The following ABCB5 variants were observed in gnomAD, a reference collection of about 807,000 sequenced individuals.
The protein encoded by ABCB5 is ATP-binding cassette sub-family B member 5.
In ABCB5, 155 loss-of-function variants were observed where a neutral mutation model predicts 144.2. The observed-to-expected ratio is 1.08, with a 90% CI of 0.94 to 1.23. The LOEUF is 1.23. Ranked by LOEUF, ABCB5 falls within the 50% of genes most tolerant of loss-of-function variation. The pLI, the probability that ABCB5 is intolerant of heterozygous loss-of-function variation, is 0.00. For synonymous variants in ABCB5, 610 were observed against 528.6 expected, an observed-to-expected ratio of 1.15 and a Z score of -2.11; for missense variants, 1,830 against 1,520.8, an observed-to-expected ratio of 1.20 and a Z score of -3.38.
intron 14 of ABCB5, among the ~76,000 whole-genome samples, chr7:20,675,024 G>C (rs7806967): frequency 6.6e-6 from 1 of 151,998 alleles, no homozygotes; most frequent in South Asian, 2.1e-4. Context: ...AATACATCCC[G>C]TGATCCTGAA....
intron 16 of ABCB5, among the ~76,000 whole-genome samples, chr7:20,688,721 A>G (rs1424954130): frequency 6.6e-6 from 1 of 152,226 alleles, no homozygotes; most frequent in Non-Finnish European, 1.5e-5. Flanking sequence ...AACCAACCCA[A>G]ATGCCCATCA....
chr7:20,692,159 A>C (rs1324636037), intron 16 of ABCB5, among the ~76,000 whole-genome samples: 1 of 152,162 alleles, frequency 6.6e-6, no homozygotes, highest in Non-Finnish European at 1.5e-5. Flanking sequence ...AAGCATAAGA[A>C]ACATAAGAAA....
intron 14 of ABCB5, among the ~76,000 whole-genome samples, chr7:20,671,557 AG>A (rs1246577503): frequency 1.3e-5 from 2 of 152,184 alleles, no homozygotes; most frequent in Admixed American, 6.5e-5. Flanking sequence ...CTTTATATAA[AG>A]GGAGCAATAT....
intron 4 of ABCB5, among the ~76,000 whole-genome samples, chr7:20,629,293 G>A (rs1286085442): frequency 6.6e-6 from 1 of 152,016 alleles, no homozygotes; most frequent in Non-Finnish European, 1.5e-5. Context: ...CAATGTTGCA[G>A]TTCAAATCAG....
intron 20 of ABCB5, among the ~76,000 whole-genome samples, chr7:20,721,882 G>C (rs1287197657): frequency 6.6e-6 from 1 of 152,084 alleles, no homozygotes; most frequent in Non-Finnish European, 1.5e-5. Flanking sequence ...TACTCTCCGT[G>C]AAATAGAATA....
chr7:20,699,730 T>C (rs1786548457), intron 17 of ABCB5, 95 bp from the exon 18 acceptor site: 1 of 737,882 alleles, frequency 1.4e-6, no homozygotes, highest in Admixed American at 3.1e-5. Flanking sequence ...AAAAAAGAAA[T>C]GTATTTTAAA....
chr7:20,691,290 A>T (rs550399881), intron 16 of ABCB5, among the ~76,000 whole-genome samples: 23 of 139,454 alleles, frequency 1.6e-4, no homozygotes, highest in Admixed American at 1.1e-3. Context: ...AACTCAGTGG[A>T]CTTTGAGTTG....
intron 20 of ABCB5, among the ~76,000 whole-genome samples, chr7:20,707,201 G>T (rs534143671): frequency 1.3e-5 from 2 of 152,252 alleles, no homozygotes; most frequent in African/African-American, 4.8e-5. Context: ...TAGAATGAAT[G>T]TTCATAAAAT....
intron 14 of ABCB5, among the ~76,000 whole-genome samples, chr7:20,675,091 G>A (rs1785560725): frequency 6.6e-6 from 1 of 151,842 alleles, no homozygotes; most frequent in Non-Finnish European, 1.5e-5. Context: ...TACAGATTTA[G>A]TATAACCTTG....
chr7:20,648,101 A>G, intron 11 of ABCB5, 23 bp downstream of exon 11: 2 of 1,393,384 alleles, frequency 1.4e-6, no homozygotes, highest in Non-Finnish European at 2.0e-6. Context: ...AAATTACGCA[A>G]TTGTGCAGTT....
In ABCB5 at chr7:20,650,141, T is replaced by TGGCTTTGTAAGTGCAGCTA; in HGVS notation, c.1328_1332+14dup. On this transcript the variant is annotated frameshift_variant, in exon 12 of 28. Coordinates refer to ENST00000404938, the MANE Select transcript of ABCB5 (RefSeq NM_001163941.2). LOFTEE classifies it high-confidence loss of function. The stretch of plus-strand genomic sequence containing the variant: ...TGCAGAGGTTATATGATCCGGATGA[T>TGGCTTTGTAAGTGCAGCTA]GGCTTTGTAAGTGCAGCTAGCAAAA... 3 of 1,613,450 alleles carry TGGCTTTGTAAGTGCAGCTA rather than the reference T, an allele frequency of 1.9e-6. No individual in the cohort carries two copies. The East Asian group carries it at 6.7e-5, about 36-fold the overall frequency.
chr7:20,720,955 A>AAAAAG (rs1554288318), intron 20 of ABCB5, among the ~76,000 whole-genome samples: 1 of 151,122 alleles, frequency 6.6e-6, no homozygotes, highest in Non-Finnish European at 1.5e-5. Flanking sequence ...AAAAAAAAAA[A>AAAAAG]AAAAAAAAAA....
intron 16 of ABCB5, among the ~76,000 whole-genome samples, chr7:20,689,121 AAAT>A (rs777350026): frequency 4.6e-5 from 7 of 151,934 alleles, no homozygotes; most frequent in Admixed American, 1.3e-4. Flanking sequence ...TATAATAATA[AAAT>A]AATAATAATA....
chr7:20,669,739 A>AAAAAAG (rs1562553143), intron 14 of ABCB5, among the ~76,000 whole-genome samples: 1 of 132,576 alleles, frequency 7.5e-6, no homozygotes. Flanking sequence ...AAAAAAAAAA[A>AAAAAAG]AAAAGAAAAT....
chr7:20,660,303 T>A (rs1784963215), intron 14 of ABCB5: 3 of 984,976 alleles, frequency 3.0e-6, no homozygotes, highest in Non-Finnish European at 3.6e-6. Flanking sequence ...GTGGCATAAT[T>A]ATGGGGGAAT....
At position 20,681,076 on chromosome 7, in the gene ABCB5, C is replaced by CTTTCTTTG. The variant is rs1562559211; in HGVS notation, c.1708-422_1708-421insGTTTCTTT. 2.6e-4 allele frequency among the ~76,000 whole-genome samples: 4 copies of CTTTCTTTG among 15,494 alleles called. 1 individual carries two copies. Among genetic ancestry groups the CTTTCTTTG allele is most frequent in the Non-Finnish European group, 4.3e-4 (4 of 9,340 alleles). The allele number at this position is 15,494 out of a possible 152,430, so 10.2% of individuals were successfully genotyped here. On this transcript the variant is annotated intron_variant, in intron 14 of 27. Coordinates refer to ENST00000404938, the MANE Select transcript of ABCB5 (RefSeq NM_001163941.2). ...TCTCTCTCTCTTTCTTTCTTTCTTT[C>CTTTCTTTG]TTTCTTTCTTTCTTTCTTTCTTTCT...
chr7:20,724,628 C>CAAAAAAAAAAAA (rs34395637), intron 21 of ABCB5, among the ~76,000 whole-genome samples: 1 of 88,594 alleles, frequency 1.1e-5, no homozygotes, highest in Non-Finnish European at 2.1e-5. Flanking sequence ...AGCTCTGTCT[C>CAAAAAAAAAAAA]AAAAAAAAAA....
At chr7:20,660,854 T>C (rs1288270885) in intron 14 of ABCB5, among the ~76,000 whole-genome samples, 2 of 152,178 alleles carry the variant, frequency 1.3e-5, no homozygotes, top group African/African-American at 4.8e-5. Context: ...TGCCCTCACA[T>C]ATCCCTTCCA....
intron 21 of ABCB5, among the ~76,000 whole-genome samples, chr7:20,724,119 C>T (rs908613394): frequency 2.6e-5 from 4 of 152,142 alleles, no homozygotes; most frequent in Non-Finnish European, 4.4e-5. Context: ...GCAGGTAGTA[C>T]ATTACTTTCC....
Sources: gnomAD v4.1 joint callset for allele counts (sites outside exome capture counted in the v4.1 genomes callset) on GRCh38, gnomAD v4.1.1 for gene constraint, MANE v1.5 for transcripts, NCBI Gene and HGNC (gene_info 2026-07-23, HGNC 2026-07-21) for gene names.